The following CDC14B variants were observed in gnomAD, a reference collection of about 807,000 sequenced individuals.
CDC14B encodes the protein cell division cycle 14B.
A neutral mutation model predicts 64.2 loss-of-function variants in CDC14B; 22 were observed. The ratio of observed to expected loss-of-function variants is 0.34; its 90% CI spans 0.24 to 0.49. The LOEUF is 0.49. Ranked by LOEUF, CDC14B falls within the 20% of genes least tolerant of loss-of-function variation. The probability of loss-of-function intolerance (pLI) is 0.99; values close to 1 mark genes in which losing one functional copy is unlikely to be tolerated. For missense variants in CDC14B, 498 were observed against 629.9 expected (o/e 0.79, Z 2.24); for synonymous variants, 191 against 215.8 (o/e 0.89, Z 1.01).
Position 96,534,083 on chromosome 9 carries a change from T to G in CDC14B, c.790A>C (p.Asn264His). ...CGTTTGGCATCATACATCCTTTTAT[T>G]CAGACGAATAATGGTAGTAACATTG... ...NHNVTTIIRL[N>H]KRMYDAKRFT... The change falls in exon 9 of 14, where the codon AAT becomes CAT. Residue 264 changes from asparagine to histidine, a missense_variant. Physicochemically the swap from Asn to His is moderately conservative, Grantham distance 68. Transcript: ENST00000375241. 6.2e-7 allele frequency: 1 copy of G among 1,613,100 alleles called. No individual in the cohort carries two copies. The highest frequency in any genetic ancestry group is 8.5e-7 in the Non-Finnish European group (1 of 1,179,180).
At chr9:96,519,717 C>A (rs1836368586) in intron 12 of CDC14B, among the ~76,000 whole-genome samples, 1 of 128,388 alleles carries the variant, frequency 7.8e-6, no homozygotes, top group African/African-American at 3.0e-5. Flanking sequence ...GCCAACAGAG[C>A]AAGACTCTGT....
intron 1 of CDC14B, among the ~76,000 whole-genome samples, chr9:96,574,996 T>C (rs1454707036): frequency 6.6e-6 from 1 of 152,230 alleles, no homozygotes; most frequent in Non-Finnish European, 1.5e-5. Flanking sequence ...TCTGGTTCAC[T>C]CTATACCCTA....
chr9:96,619,570 C>G lies in CDC14B; in HGVS notation c.-192G>C. 1 of 151,766 alleles carries G rather than the reference C, an allele frequency of 6.6e-6. No individual in the cohort carries two copies. The highest frequency in any genetic ancestry group is 1.4e-5 in the Non-Finnish European group (1 of 70,768). The allele number at this position is 151,766 out of a possible 1,614,324, so 9.4% of individuals were successfully genotyped here. A position where few individuals can be genotyped will look rare whatever the true frequency, so the allele number is the denominator to read the frequency against. ...GCCGGAGGAGGAGCCCGGCCCACAG[C>G]GCCTGCCCCGCTGCCTCCCGCGGCC... On this transcript the variant is annotated 5_prime_UTR_variant, in exon 1 of 14. Coordinates refer to ENST00000375241, the MANE Select transcript of CDC14B (RefSeq NM_033331.4).
rs1301422147 is a variant in CDC14B, at chr9:96,509,899, G to C, written c.1344-110C>G. On this transcript the variant is annotated intron_variant, in intron 12 of 13. Transcript: ENST00000375241. ...GTGCAAATTATCTTGAGAATTGAGA[G>C]GATTTTCCATCAACACATTTACCAA... The C allele has an allele frequency of 6.1e-6, 4 of 660,814 alleles. No individual in the cohort carries two copies. In the East Asian group the frequency reaches 8.2e-5, roughly 14 times the overall value. 40.9% of individuals were successfully genotyped at this position (660,814 alleles called of 1,614,324 possible).
chr9:96,584,706 T>C (rs1054426424), intron 1 of CDC14B, among the ~76,000 whole-genome samples: 11 of 152,224 alleles, frequency 7.2e-5, no homozygotes, highest in African/African-American at 2.4e-4. Flanking sequence ...CAGGCTGTAG[T>C]GCAGTGGCAC....
At chr9:96,549,181 A>G (rs1841431854) in intron 5 of CDC14B, among the ~76,000 whole-genome samples, 1 of 152,214 alleles carries the variant, frequency 6.6e-6, no homozygotes, top group Admixed American at 6.5e-5. Flanking sequence ...CCAGTAATGC[A>G]ATAATCTTAT....
rs1381089899 is a variant in CDC14B at position 96,546,639 on chromosome 9, A to G, written c.498-4747T>C. ...TAATTTTTGTATTTTTAGTAGAGAC[A>G]GGGTTTTACCACGTTGGCCAGGCTC... On this transcript the variant is annotated intron_variant, in intron 5 of 13. Transcript: ENST00000375241. Among the ~76,000 whole-genome samples, 108 of 152,092 alleles carry G rather than the reference A, an allele frequency of 7.1e-4. 1 individual carries two copies. Among genetic ancestry groups the G allele is most frequent in the Non-Finnish European group, 8.8e-5 (6 of 67,958 alleles).
intron 1 of CDC14B, among the ~76,000 whole-genome samples, chr9:96,581,003 G>A (rs1260088888): frequency 7.9e-5 from 12 of 152,130 alleles, no homozygotes; most frequent in East Asian, 1.9e-4. Flanking sequence ...AGGCAGAGGC[G>A]GGTGGATCAC....
chr9:96,545,170 A>G (rs1470982820), intron 5 of CDC14B, among the ~76,000 whole-genome samples: 1 of 152,216 alleles, frequency 6.6e-6, no homozygotes, highest in East Asian at 1.9e-4. Context: ...TAGGGTGTTC[A>G]TGGAATAAAG....
At chr9:96,562,012 A>G (rs370114947) in intron 4 of CDC14B, among the ~76,000 whole-genome samples, 15 of 152,242 alleles carry the variant, frequency 9.9e-5, no homozygotes, top group African/African-American at 3.6e-4. Flanking sequence ...ACAAAATGTG[A>G]CTCTTCAAAA....
intron 4 of CDC14B, among the ~76,000 whole-genome samples, chr9:96,557,033 T>A (rs1470003190): frequency 6.6e-6 from 1 of 152,212 alleles, no homozygotes; most frequent in Non-Finnish European, 1.5e-5. Flanking sequence ...GGATCTGCAG[T>A]CAAGGATCTT....
At chr9:96,524,539 G>T (rs539088288) in intron 9 of CDC14B, among the ~76,000 whole-genome samples, 31 of 152,200 alleles carry the variant, frequency 2.0e-4, no homozygotes, top group African/African-American at 6.5e-4. Context: ...GTCTTATCTA[G>T]ACTATTATCA....
chr9:96,511,603 G>A (rs573969930), intron 12 of CDC14B, among the ~76,000 whole-genome samples: 27 of 152,260 alleles, frequency 1.8e-4, no homozygotes, highest in African/African-American at 6.0e-4. Flanking sequence ...CTGGGCCAGC[G>A]GTCCCAAGCC....
chr9:96,606,332 CAAAAAAA>C (rs772460843), intron 1 of CDC14B, among the ~76,000 whole-genome samples: 13 of 21,052 alleles, frequency 6.2e-4, no homozygotes, highest in South Asian at 2.4e-3. Context: ...GACTCCATCT[CAAAAAAA>C]AAAAAAAAAA....
rs111682431 is a variant in CDC14B at position 96,580,989 on chromosome 9, C to T, written c.161-15506G>A. Among the ~76,000 whole-genome samples the T allele has an allele frequency of 7.3e-3, 1,106 of 152,108 alleles. 21 individuals are homozygous for T. The highest frequency in any genetic ancestry group is 0.025 in the African/African-American group (1,024 of 41,512). ...GCTCATGCCTGTCATCCCAGCACTT[C>T]GGGAGGCAGAGGCGGGTGGATCACA... is the stretch of plus-strand genomic sequence containing the variant. On this transcript the variant is annotated intron_variant, in intron 1 of 13. Coordinates refer to ENST00000375241, the MANE Select transcript of CDC14B (RefSeq NM_033331.4).
At chr9:96,505,184 T>TAA (rs751327969) in intron 13 of CDC14B, among the ~76,000 whole-genome samples, 23 of 137,332 alleles carry the variant, frequency 1.7e-4, no homozygotes, top group African/African-American at 4.6e-4. Flanking sequence ...CTGTCTCATT[T>TAA]AAAAAAAAAA....
chr9:96,518,557 A>G (rs140619730), intron 12 of CDC14B, among the ~76,000 whole-genome samples: 95 of 152,268 alleles, frequency 6.2e-4, no homozygotes, highest in Admixed American at 9.8e-4. Flanking sequence ...TATTGTGGAA[A>G]GGGATTAGAC....
intron 5 of CDC14B, among the ~76,000 whole-genome samples, chr9:96,549,257 T>G (rs1421377732): frequency 6.6e-6 from 1 of 152,186 alleles, no homozygotes; most frequent in African/African-American, 2.4e-5. Context: ...AAGCTCAAAT[T>G]TCTTCTACTA....
intron 1 of CDC14B, among the ~76,000 whole-genome samples, chr9:96,566,015 G>C (rs540205940): frequency 2.6e-5 from 4 of 152,154 alleles, no homozygotes; most frequent in Non-Finnish European, 4.4e-5. Context: ...TTCTAACTTG[G>C]AATCACTACT....
Sources: allele counts gnomAD v4.1 joint callset (sites outside exome capture counted in the v4.1 genomes callset), GRCh38; gene constraint gnomAD v4.1.1; transcripts MANE v1.5; gene names NCBI Gene and HGNC (gene_info 2026-07-23, HGNC 2026-07-21).